Variants in CPNE8 observed in about 807,000 individuals in gnomAD.
The protein encoded by CPNE8 is copine 8.
A neutral mutation model predicts 81.5 loss-of-function variants in CPNE8; 45 were observed. The ratio of observed to expected loss-of-function variants is 0.55; its 90% CI spans 0.44 to 0.71. CPNE8 has a LOEUF of 0.71. Ranked by LOEUF, CPNE8 falls within the 30% of genes least tolerant of loss-of-function variation. The probability of loss-of-function intolerance (pLI) is 0.00; values close to 1 mark genes in which losing one functional copy is unlikely to be tolerated. For missense variants in CPNE8, 594 were observed against 672.1 expected (o/e 0.88, Z 1.28); for synonymous variants, 252 against 226.3 (o/e 1.11, Z -1.02).
rs918926637 is a variant in CPNE8 at position 38,793,581 on chromosome 12, T to A, written c.408-17280A>T. On this transcript the variant is annotated intron_variant, in intron 6 of 19. Coordinates refer to ENST00000331366, the MANE Select transcript of CPNE8 (RefSeq NM_153634.3). ...GAAAGAAATTAAAGGCACAGATAAA[T>A]GTTAAGACATCTCATGTTCATAGAT... is the stretch of plus-strand genomic sequence containing the variant. Among the ~76,000 whole-genome samples the A allele has an allele frequency of 2.6e-5, 4 of 151,748 alleles. No homozygotes were observed. In the East Asian group the frequency reaches 5.8e-4, roughly 22 times the overall value.
chr12:38,879,689 A>ATATCAT, intron 1 of CPNE8, among the ~76,000 whole-genome samples: 1 of 152,280 alleles, frequency 6.6e-6, no homozygotes, highest in African/African-American at 2.4e-5. Context: ...AGGGAAACAA[A>ATATCAT]TATCATTATC....
intron 6 of CPNE8, among the ~76,000 whole-genome samples, chr12:38,809,798 T>A (rs568832608): frequency 6.6e-6 from 1 of 152,204 alleles, no homozygotes; most frequent in South Asian, 2.1e-4. Context: ...CTGTATATAA[T>A]CTATCATGGG....
intron 14 of CPNE8, among the ~76,000 whole-genome samples, chr12:38,699,577 C>A (rs1470988156): frequency 2.0e-5 from 3 of 151,688 alleles, no homozygotes; most frequent in Non-Finnish European, 4.4e-5. Context: ...TTCCTTCTTT[C>A]CTTCCTTCCT....
chr12:38,854,772 T>C (rs2137068897), intron 3 of CPNE8, among the ~76,000 whole-genome samples: 1 of 152,184 alleles, frequency 6.6e-6, no homozygotes, highest in Admixed American at 6.5e-5. Flanking sequence ...TATACCTCTA[T>C]ACAATAAAAG....
Position 38,776,319 on chromosome 12 carries a change from T to C in CPNE8, c.408-18A>G. 1 of 1,200,028 alleles carries C rather than the reference T, an allele frequency of 8.3e-7. No individual in the cohort carries two copies. The highest frequency in any genetic ancestry group is 1.2e-6 in the Non-Finnish European group (1 of 843,770). The allele number at this position is 1,200,028 out of a possible 1,614,324, so 74.3% of individuals were successfully genotyped here. A position where few individuals can be genotyped will look rare whatever the true frequency, so the allele number is the denominator to read the frequency against. The stretch of plus-strand genomic sequence containing the variant: ...GAATTCCTCTAAAACAACAAAAATA[T>C]ATTTATATACATTAATATGTTATAT... On this transcript the variant is annotated intron_variant, in intron 6 of 19. Coordinates refer to ENST00000331366, the MANE Select transcript of CPNE8 (RefSeq NM_153634.3).
At chr12:38,856,844 T>C (rs564982614) in intron 3 of CPNE8, among the ~76,000 whole-genome samples, 2 of 152,258 alleles carry the variant, frequency 1.3e-5, no homozygotes, top group South Asian at 2.1e-4. Context: ...TCAGTATACA[T>C]GTACTATCAC....
At chr12:38,843,774 G>A (rs1412293606) in intron 4 of CPNE8, among the ~76,000 whole-genome samples, 3 of 152,060 alleles carry the variant, frequency 2.0e-5, no homozygotes, top group African/African-American at 2.4e-5. Context: ...TTTTTGGACG[G>A]TAGGAGACCC....
chr12:38,803,476 T>C (rs146701589), intron 6 of CPNE8, among the ~76,000 whole-genome samples: 3 of 150,698 alleles, frequency 2.0e-5, no homozygotes, highest in Non-Finnish European at 4.4e-5. Flanking sequence ...GCTAAAAACT[T>C]TCAATAAATT....
intron 14 of CPNE8, among the ~76,000 whole-genome samples, chr12:38,696,022 G>T (rs1302222658): frequency 1.3e-5 from 2 of 151,992 alleles, no homozygotes; most frequent in African/African-American, 2.4e-5. Flanking sequence ...TTAATCCAAT[G>T]GTGACAATAT....
chr12:38,905,823 C>T, upstream of CPNE8: 1 of 985,376 alleles, frequency 1.0e-6, no homozygotes, highest in Non-Finnish European at 1.2e-6. Context: ...GGGGGACACA[C>T]TCCGTGATCC....
intron 10 of CPNE8, among the ~76,000 whole-genome samples, chr12:38,760,273 G>C (rs1941545394): frequency 6.6e-6 from 1 of 151,748 alleles, no homozygotes; most frequent in Non-Finnish European, 1.5e-5. Flanking sequence ...GAAGATGACA[G>C]TAGAAACAAA....
chr12:38,819,427 C>A (rs1943078114), intron 6 of CPNE8, among the ~76,000 whole-genome samples: 2 of 152,028 alleles, frequency 1.3e-5, no homozygotes, highest in Non-Finnish European at 1.5e-5. Flanking sequence ...TTCACAGCTC[C>A]CTTTTATTTG....
At chr12:38,799,633 A>C (rs1207896586) in intron 6 of CPNE8, among the ~76,000 whole-genome samples, 1 of 152,196 alleles carries the variant, frequency 6.6e-6, no homozygotes, top group African/African-American at 2.4e-5. Flanking sequence ...CACAATTAAA[A>C]GAACTAGAAA....
chr12:38,875,600 A>G (rs1327630901), intron 1 of CPNE8, among the ~76,000 whole-genome samples: 1 of 152,170 alleles, frequency 6.6e-6, no homozygotes, highest in East Asian at 1.9e-4. Flanking sequence ...TTTCATATAA[A>G]TCTGGCATCC....
chr12:38,667,769 T>G (rs1939089618), intron 19 of CPNE8, among the ~76,000 whole-genome samples: 1 of 152,092 alleles, frequency 6.6e-6, no homozygotes, highest in Non-Finnish European at 1.5e-5. Flanking sequence ...TTTATGGTGA[T>G]AGGCTGCTCT....
At chr12:38,805,986 T>C (rs1343449237) in intron 6 of CPNE8, among the ~76,000 whole-genome samples, 1 of 149,986 alleles carries the variant, frequency 6.7e-6, no homozygotes, top group Non-Finnish European at 1.5e-5. Flanking sequence ...TCTACGCAAA[T>C]AAACTAGAAA....
chr12:38,791,267 T>A (rs1942315795), intron 6 of CPNE8, among the ~76,000 whole-genome samples: 1 of 151,646 alleles, frequency 6.6e-6, no homozygotes, highest in African/African-American at 2.4e-5. Context: ...CCCTACCACC[T>A]ACTCAATGAC....
At chr12:38,705,054 C>T (rs1227078876) in intron 13 of CPNE8, among the ~76,000 whole-genome samples, 2 of 150,048 alleles carry the variant, frequency 1.3e-5, no homozygotes, top group Non-Finnish European at 3.0e-5. Context: ...AACACAAATA[C>T]ATGACAATGC....
upstream of CPNE8, chr12:38,906,222 A>C: frequency 1.0e-6 from 1 of 985,460 alleles, no homozygotes; most frequent in Non-Finnish European, 1.2e-6. Flanking sequence ...CAGCTTCTGG[A>C]CTGCCCACTG....
Sources: allele counts gnomAD v4.1 joint callset (sites outside exome capture counted in the v4.1 genomes callset), GRCh38; gene constraint gnomAD v4.1.1; transcripts MANE v1.5; gene names NCBI Gene and HGNC (gene_info 2026-07-23, HGNC 2026-07-21).